SAMD8: variants seen among roughly 807,000 people sequenced by gnomAD.
SAMD8 encodes sterile alpha motif domain containing 8, also known as sphingomyelin synthase-related protein 1.
Under a neutral mutation model 42.0 loss-of-function variants are expected in SAMD8, and 20 were observed. The ratio of observed to expected loss-of-function variants is 0.48; its 90% confidence interval spans 0.34 to 0.69. The LOEUF is 0.69. Among genes scored for constraint, SAMD8 ranks in the 30% least tolerant of loss-of-function variants. SAMD8 has a pLI of 0.01. For missense variants in SAMD8, 328 were observed against 511.6 expected, an observed-to-expected ratio of 0.64 and a Z score of 3.46; for synonymous variants, 162 against 173.0, an observed-to-expected ratio of 0.94 and a Z score of 0.50.
upstream of SAMD8, chr10:75,109,282 C>A: frequency 8.6e-7 from 1 of 1,162,870 alleles, no homozygotes; most frequent in Non-Finnish European, 1.2e-6. Context: ...GTCACAGGGG[C>A]CTCTGGAGTG....
chr10:75,130,778 A>G (rs1051058897), intron 1 of SAMD8, among the ~76,000 whole-genome samples: 1 of 152,140 alleles, frequency 6.6e-6, no homozygotes, highest in African/African-American at 2.4e-5. Context: ...GGCTCGGACA[A>G]TTTCAAGTAG....
chr10:75,161,615 C>T (rs550869109), intron 2 of SAMD8, among the ~76,000 whole-genome samples: 2 of 151,512 alleles, frequency 1.3e-5, no homozygotes, highest in Admixed American at 6.6e-5. Context: ...AAAAAACTTT[C>T]GTGTTTTCAA....
intron 1 of SAMD8, among the ~76,000 whole-genome samples, chr10:75,114,509 A>G (rs1239019471): frequency 1.3e-5 from 2 of 152,190 alleles, no homozygotes; most frequent in African/African-American, 2.4e-5. Flanking sequence ...TTTGTTAATC[A>G]TTAGATCCTC....
At chr10:75,171,725 A>C (rs1176740157) in intron 4 of SAMD8, among the ~76,000 whole-genome samples, 1 of 152,208 alleles carries the variant, frequency 6.6e-6, no homozygotes, top group East Asian at 1.9e-4. Flanking sequence ...GGACATGCAC[A>C]TTAAAAAATA....
At chr10:75,174,053 GTTA>G (rs1276300504) in intron 4 of SAMD8, among the ~76,000 whole-genome samples, 1 of 150,704 alleles carries the variant, frequency 6.6e-6, no homozygotes, top group Non-Finnish European at 1.5e-5. Context: ...CCATTATTAT[GTTA>G]TTATTAAATT....
chr10:75,111,359 C>T, upstream of SAMD8: 1 of 498,018 alleles, frequency 2.0e-6, no homozygotes, highest in Middle Eastern at 6.0e-4. Flanking sequence ...GACGCATGCG[C>T]CCTCGGGCTC....
At chr10:75,140,543 TCAGA>T (rs1396275964) in intron 1 of SAMD8, among the ~76,000 whole-genome samples, 1 of 152,190 alleles carries the variant, frequency 6.6e-6, no homozygotes, top group Admixed American at 6.5e-5. Context: ...CCTGATCTAA[TCAGA>T]CAAACCCTTA....
chr10:75,171,140 T>A, intron 4 of SAMD8, among the ~76,000 whole-genome samples: 1 of 140,174 alleles, frequency 7.1e-6, no homozygotes, highest in Admixed American at 7.0e-5. Flanking sequence ...AGTTTTCCTT[T>A]TCTTTCTTTC....
At chr10:75,100,192 C>T (rs2134354409) in intron 1 of SAMD8, among the ~76,000 whole-genome samples, 1 of 152,280 alleles carries the variant, frequency 6.6e-6, no homozygotes, top group South Asian at 2.1e-4. Context: ...CCCCAGGAGG[C>T]TCCAGAGGGG....
chr10:75,159,610 G>C (rs947215834), intron 2 of SAMD8, among the ~76,000 whole-genome samples: 1 of 152,168 alleles, frequency 6.6e-6, no homozygotes, highest in Admixed American at 6.5e-5. Flanking sequence ...TACTTGGAGA[G>C]AAAGCCAAAA....
chr10:75,148,346 C>CTTTTTTTTTTTTTTTTTTT lies in SAMD8; in HGVS notation c.-15-2161_-15-2143dup, dbSNP rs60024591. 5.8e-4 allele frequency among the ~76,000 whole-genome samples: 48 copies of CTTTTTTTTTTTTTTTTTTT among 82,560 alleles called. 8 individuals are homozygous for CTTTTTTTTTTTTTTTTTTT. The highest frequency in any genetic ancestry group is 2.0e-3 in the African/African-American group (31 of 15,314). 54.2% of individuals were successfully genotyped at this position (82,560 alleles called of 152,430 possible). A position where few individuals can be genotyped will look rare whatever the true frequency, so the allele number is the denominator to read the frequency against. Reference sequence around the variant, plus strand: ...GGGAAAGAATGCAGAGCAATACCAGCTTTTTTTTTTTTTTTTTTTTTTTTT... The same window carrying CTTTTTTTTTTTTTTTTTTT: ...GGGAAAGAATGCAGAGCAATACCAGCTTTTTTTTTTTTTTTTTTTTTTTTTTTTTTTTTTTTTTTTTTTT... On this transcript the variant is annotated intron_variant, in intron 1 of 5. Transcript: ENST00000542569.
At chr10:75,130,868 A>G (rs1433564183) in intron 1 of SAMD8, among the ~76,000 whole-genome samples, 1 of 152,182 alleles carries the variant, frequency 6.6e-6, no homozygotes, top group Non-Finnish European at 1.5e-5. Flanking sequence ...TCTACCTCAT[A>G]AAAGTGTTGT....
At chr10:75,160,852 G>A (rs544038484) in intron 2 of SAMD8, among the ~76,000 whole-genome samples, 1 of 152,132 alleles carries the variant, frequency 6.6e-6, no homozygotes, top group Non-Finnish European at 1.5e-5. Context: ...ATAGGGGAAA[G>A]TTGGTTAAAA....
chr10:75,108,891 TG>T, upstream of SAMD8: 1 of 1,350,838 alleles, frequency 7.4e-7, no homozygotes, highest in Non-Finnish European at 9.8e-7. Flanking sequence ...GTCCCTGGCC[TG>T]GGATGGTCAG....
intron 1 of SAMD8, among the ~76,000 whole-genome samples, chr10:75,144,075 C>T (rs1046848886): frequency 6.6e-5 from 10 of 150,414 alleles, no homozygotes; most frequent in African/African-American, 2.5e-4. Flanking sequence ...TCAAGTGATT[C>T]TCCTGCCTCA....
In SAMD8 at chr10:75,164,479, T is replaced by C. The variant is rs915464846; in HGVS notation, c.579-166T>C. 8.2e-5 allele frequency: 81 copies of C among 982,476 alleles called. 1 individual carries two copies. Among genetic ancestry groups the C allele is most frequent in the Non-Finnish European group, 3.3e-5 (27 of 827,418 alleles). 60.9% of individuals were successfully genotyped at this position (982,476 alleles called of 1,614,324 possible). On this transcript the variant is annotated intron_variant, in intron 2 of 5. Transcript: ENST00000542569. ...CAGGTTCCGATAGGTGGGGGTACTT[T>C]ATGACACAGATTTTTTCTCCCAGTT... is the stretch of plus-strand genomic sequence containing the variant.
intron 2 of SAMD8, among the ~76,000 whole-genome samples, chr10:75,153,383 G>C (rs1438373354): frequency 1.3e-5 from 2 of 151,996 alleles, no homozygotes; most frequent in Non-Finnish European, 2.9e-5. Context: ...GACGAGGCTG[G>C]TGGGATCACC....
chr10:75,133,505 T>A (rs1849318646), intron 1 of SAMD8, among the ~76,000 whole-genome samples: 1 of 152,210 alleles, frequency 6.6e-6, no homozygotes, highest in African/African-American at 2.4e-5. Flanking sequence ...TACTGCACTC[T>A]CATGTTTATT....
chr10:75,114,725 G>T (rs143166861), intron 1 of SAMD8, among the ~76,000 whole-genome samples: 64 of 152,258 alleles, frequency 4.2e-4, no homozygotes, highest in African/African-American at 1.5e-3. Flanking sequence ...GGTGTTAATT[G>T]TTGGGTGTAC....
Sources: allele counts gnomAD v4.1 joint callset (sites outside exome capture counted in the v4.1 genomes callset), GRCh38; gene constraint gnomAD v4.1.1; transcripts MANE v1.5; gene names NCBI Gene and HGNC (gene_info 2026-07-23, HGNC 2026-07-21).